Variants in DNAL1 observed in about 807,000 individuals in gnomAD.
The protein encoded by DNAL1 is chromosome 14 open reading frame 168.
A neutral mutation model predicts 29.4 loss-of-function variants in DNAL1; 17 were observed. That is an observed-to-expected ratio of 0.58 (90% CI 0.40 to 0.87). The LOEUF (loss-of-function observed/expected upper bound fraction) is 0.87. DNAL1 is among the 40% of genes least tolerant of loss of function. The pLI is 0.00. For synonymous variants in DNAL1, 78 were observed against 76.3 expected, an observed-to-expected ratio of 1.02 and a Z score of -0.12; for missense variants, 188 against 214.1, an observed-to-expected ratio of 0.88 and a Z score of 0.76.
At chr14:73,667,664 A>AT (rs201629699) in intron 4 of DNAL1, among the ~76,000 whole-genome samples, 1,606 of 151,258 alleles carry the variant, frequency 0.011, 35 homozygotes, top group African/African-American at 0.029. Flanking sequence ...AGCCCAACTA[A>AT]TTTTTTTTTG....
rs1892115961 is a variant in DNAL1, at chr14:73,689,530, G to A, written c.532+15G>A. On this transcript the variant is annotated intron_variant, in intron 7 of 7. Transcript: ENST00000553645. ...AAAGCTGGATGGTGAGTGATTCTGA[G>A]CTGGCTTAGACATATCTTCTAGGCA... 1 of 1,585,830 alleles carries A rather than the reference G, an allele frequency of 6.3e-7. No individual in the cohort carries two copies. The highest frequency in any genetic ancestry group is 8.6e-7 in the Non-Finnish European group (1 of 1,165,596).
intron 7 of DNAL1, among the ~76,000 whole-genome samples, chr14:73,692,349 G>A (rs2140063613): frequency 6.6e-6 from 1 of 152,170 alleles, no homozygotes; most frequent in East Asian, 1.9e-4. Flanking sequence ...GCGTGTGGTG[G>A]CAGGCGCCTA....
intron 6 of DNAL1, among the ~76,000 whole-genome samples, chr14:73,688,205 T>C (rs749244327): frequency 2.0e-5 from 3 of 152,246 alleles, no homozygotes; most frequent in Non-Finnish European, 4.4e-5. Context: ...TTATATGCGA[T>C]GAACTATACC....
Position 73,697,184 on chromosome 14 carries a change from A to G in DNAL1, c.*1242A>G, listed in dbSNP as rs1366455732. On this transcript the variant is annotated 3_prime_UTR_variant, in exon 8 of 8. Transcript: ENST00000553645. ...CATAGGAGGCCATGGCTGGATCACT[A>G]TTAGATTGCAGAAAAGAAGTCAGGG... The G allele has an allele frequency of 1.3e-5, 2 of 152,184 alleles. No homozygotes were observed. The highest frequency in any genetic ancestry group is 2.9e-5 in the Non-Finnish European group (2 of 68,034). The allele number at this position is 152,184 out of a possible 1,614,324, so 9.4% of individuals were successfully genotyped here.
intron 5 of DNAL1, among the ~76,000 whole-genome samples, chr14:73,682,712 T>TATG (rs1891917931): frequency 6.6e-6 from 1 of 152,004 alleles, no homozygotes; most frequent in Non-Finnish European, 1.5e-5. Context: ...AGCCTAGGCC[T>TATG]ACCCAGAGTC....
chr14:73,647,456 G>T (rs1400997854), intron 1 of DNAL1, among the ~76,000 whole-genome samples: 5 of 151,640 alleles, frequency 3.3e-5, no homozygotes, highest in Admixed American at 2.0e-4. Context: ...CTGAGATATA[G>T]TGTGTTATAA....
At chr14:73,689,643 G>T (rs966412495) in intron 7 of DNAL1, 128 bp downstream of exon 7, 88 of 1,404,284 alleles carry the variant, frequency 6.3e-5, no homozygotes, top group Non-Finnish European at 8.1e-5. Flanking sequence ...TTCTATCTAT[G>T]TAAAATTGAA....
Position 73,701,029 on chromosome 14 carries a change from TAAA to T in DNAL1, c.*5088_*5090del, listed in dbSNP as rs1892426038. The T allele has an allele frequency of 6.6e-6, 1 of 152,214 alleles. No homozygotes were observed. Among genetic ancestry groups the T allele is most frequent in the African/African-American group, 2.4e-5 (1 of 41,448 alleles). The allele number at this position is 152,214 out of a possible 1,614,324, so 9.4% of individuals were successfully genotyped here. A position where few individuals can be genotyped will look rare whatever the true frequency, so the allele number is the denominator to read the frequency against. On this transcript the variant is annotated 3_prime_UTR_variant, in exon 8 of 8. Coordinates refer to ENST00000553645, the MANE Select transcript of DNAL1 (RefSeq NM_031427.4). The stretch of plus-strand genomic sequence containing the variant: ...TCTATTCCTGCATTTTATAAATCTG[TAAA>T]GGAAGAAAACTGAAAGGAAGAACTA...
chr14:73,687,394 A>G lies in DNAL1; in HGVS notation c.391+9A>G, dbSNP rs149911093. 1,799 of 1,577,616 alleles carry G rather than the reference A, an allele frequency of 1.1e-3. 16 individuals are homozygous for G. The African/African-American group carries it at 0.022, about 19-fold the overall frequency. ...CCTGGTAAAAGACTGGGGTAAGCTGAGAGTGGCCCTTTGCTAACCTTCTAC... is the reference window on the plus strand; with the variant it reads ...CCTGGTAAAAGACTGGGGTAAGCTGGGAGTGGCCCTTTGCTAACCTTCTAC... On this transcript the variant is annotated intron_variant, in intron 6 of 7. Coordinates refer to ENST00000553645, the MANE Select transcript of DNAL1 (RefSeq NM_031427.4).
intron 5 of DNAL1, among the ~76,000 whole-genome samples, chr14:73,685,704 C>T (rs1472342716): frequency 4.6e-5 from 7 of 152,080 alleles, no homozygotes; most frequent in Non-Finnish European, 2.9e-5. Context: ...TAAGGTGAGC[C>T]GCCCGCCTTG....
At chr14:73,665,327 GACTC>G (rs1891452195) in intron 4 of DNAL1, among the ~76,000 whole-genome samples, 1 of 152,006 alleles carries the variant, frequency 6.6e-6, no homozygotes, top group South Asian at 2.1e-4. Flanking sequence ...ATTTTTTGCT[GACTC>G]ACTCAAACAA....
At chr14:73,660,672 C>G (rs903395323) in intron 3 of DNAL1, among the ~76,000 whole-genome samples, 4 of 152,118 alleles carry the variant, frequency 2.6e-5, no homozygotes, top group Non-Finnish European at 5.9e-5. Context: ...AGCTTTTGTA[C>G]GCAGCTTGTT....
At chr14:73,648,537 G>A (rs1891036022) in intron 1 of DNAL1, among the ~76,000 whole-genome samples, 1 of 149,492 alleles carries the variant, frequency 6.7e-6, no homozygotes, top group Non-Finnish European at 1.5e-5. Flanking sequence ...CTCAGCCCCT[G>A]CGAGTAGTTG....
intron 5 of DNAL1, among the ~76,000 whole-genome samples, chr14:73,685,036 A>G (rs983773534): frequency 6.6e-6 from 1 of 152,238 alleles, no homozygotes; most frequent in African/African-American, 2.4e-5. Flanking sequence ...GTTGACCTTA[A>G]AAAATCATAA....
intron 7 of DNAL1, among the ~76,000 whole-genome samples, chr14:73,689,808 G>C (rs1395475744): frequency 6.6e-6 from 1 of 152,002 alleles, no homozygotes; most frequent in Non-Finnish European, 1.5e-5. Context: ...GGCTGAGGCG[G>C]GTGGATCACC....
In DNAL1 at chr14:73,696,229, C is replaced by T. The variant is rs140905115; in HGVS notation, c.*287C>T. The stretch of plus-strand genomic sequence containing the variant: ...TGTAGCCCCATCTACTAAAACAAAA[C>T]CTTTGTAGACCAGTCATTTTTAATA... On this transcript the variant is annotated 3_prime_UTR_variant, in exon 8 of 8. Transcript: ENST00000553645. 1 of 234,362 alleles carries T rather than the reference C, an allele frequency of 4.3e-6. No homozygotes were observed. The highest frequency in any genetic ancestry group is 8.2e-6 in the Non-Finnish European group (1 of 121,936). The allele number at this position is 234,362 out of a possible 1,614,324, so 14.5% of individuals were successfully genotyped here.
chr14:73,691,342 G>A (rs1222930730), intron 7 of DNAL1, among the ~76,000 whole-genome samples: 1 of 152,064 alleles, frequency 6.6e-6, no homozygotes, highest in Non-Finnish European at 1.5e-5. Flanking sequence ...TTGAGGTCAG[G>A]AGTTCGAGAC....
chr14:73,691,196 A>G (rs532918583), intron 7 of DNAL1, among the ~76,000 whole-genome samples: 79 of 152,348 alleles, frequency 5.2e-4, no homozygotes, highest in African/African-American at 1.8e-3. Context: ...ATGTGAAACA[A>G]TGAACACATA....
At chr14:73,690,056 A>G (rs1474807994) in intron 7 of DNAL1, among the ~76,000 whole-genome samples, 2 of 149,784 alleles carry the variant, frequency 1.3e-5, no homozygotes, top group Non-Finnish European at 3.0e-5. Flanking sequence ...AAAAAAGAAA[A>G]GAAAAGAAAG....
Sources: allele counts gnomAD v4.1 joint callset (sites outside exome capture counted in the v4.1 genomes callset), GRCh38; gene constraint gnomAD v4.1.1; transcripts MANE v1.5; gene names NCBI Gene and HGNC (gene_info 2026-07-23, HGNC 2026-07-21).